RAPGEF4: variants seen among roughly 807,000 people sequenced by gnomAD.
The protein encoded by RAPGEF4 is RAP guanine-nucleotide-exchange factor (GEF) 4.
In RAPGEF4, 66 loss-of-function variants were observed where a neutral mutation model predicts 147.9. That is an observed-to-expected ratio of 0.45 (90% confidence interval 0.37 to 0.55). The LOEUF (loss-of-function observed/expected upper bound fraction) is 0.55, where lower values mean the gene tolerates loss of function less well. Among genes scored for constraint, RAPGEF4 ranks in the 20% least tolerant of loss-of-function variants. RAPGEF4 has a pLI of 0.00. For missense variants in RAPGEF4, 1,071 were observed against 1,257.3 expected (o/e 0.85, Z 2.24); for synonymous variants, 419 against 442.7 (o/e 0.95, Z 0.67).
intron 4 of RAPGEF4, among the ~76,000 whole-genome samples, chr2:172,870,887 T>C (rs1695169740): frequency 6.6e-6 from 1 of 152,228 alleles, no homozygotes; most frequent in African/African-American, 2.4e-5. Context: ...ATTTTGGCTT[T>C]GATTAAAACT....
At chr2:172,840,407 T>C (rs1691452503) in intron 4 of RAPGEF4, among the ~76,000 whole-genome samples, 1 of 152,252 alleles carries the variant, frequency 6.6e-6, no homozygotes, top group South Asian at 2.1e-4. Context: ...CAGAGTACTA[T>C]GTTTCCACTT....
intron 1 of RAPGEF4, among the ~76,000 whole-genome samples, chr2:172,767,087 C>T (rs1048723882): frequency 2.0e-5 from 3 of 151,780 alleles, no homozygotes; most frequent in South Asian, 2.1e-4. Context: ...TTTTTATATA[C>T]GGTCATAGGT....
intron 4 of RAPGEF4, 141 bp from the exon 5 acceptor site, chr2:172,917,661 G>A (rs1028053347): frequency 2.7e-5 from 20 of 732,638 alleles, no homozygotes; most frequent in African/African-American, 7.0e-5. Flanking sequence ...CAGAGACCCC[G>A]GAGAACACGT....
chr2:172,988,066 T>G, intron 12 of RAPGEF4, 130 bp from the exon 13 acceptor site: 1 of 1,332,510 alleles, frequency 7.5e-7, no homozygotes, highest in South Asian at 1.9e-5. Context: ...AGTTAATATT[T>G]GCCAGTGATG....
intron 1 of RAPGEF4, among the ~76,000 whole-genome samples, chr2:172,761,519 C>T (rs1428257022): frequency 6.6e-6 from 1 of 152,038 alleles, no homozygotes; most frequent in Non-Finnish European, 1.5e-5. Flanking sequence ...AAATATCCTT[C>T]AGGAATGAAG....
intron 10 of RAPGEF4, among the ~76,000 whole-genome samples, chr2:172,967,874 C>G (rs1250871082): frequency 6.6e-6 from 1 of 152,194 alleles, no homozygotes; most frequent in Non-Finnish European, 1.5e-5. Context: ...AGCACATGCT[C>G]TTACCCACCT....
intron 4 of RAPGEF4, among the ~76,000 whole-genome samples, chr2:172,851,403 G>T (rs1322470676): frequency 6.6e-6 from 1 of 152,170 alleles, no homozygotes; most frequent in African/African-American, 2.4e-5. Flanking sequence ...TGAGAAGAAT[G>T]TAAGTTCTGT....
chr2:172,892,327 C>A (rs1698015044), intron 4 of RAPGEF4, among the ~76,000 whole-genome samples: 2 of 152,162 alleles, frequency 1.3e-5, no homozygotes, highest in Non-Finnish European at 2.9e-5. Context: ...TGATGCAAAA[C>A]CTTAACCATT....
intron 4 of RAPGEF4, among the ~76,000 whole-genome samples, chr2:172,903,285 C>T (rs958325341): frequency 2.7e-5 from 4 of 146,270 alleles, no homozygotes; most frequent in Admixed American, 1.4e-4. Flanking sequence ...AGGAGAACGG[C>T]GTGAACCTGG....
chr2:173,022,622 G>A (rs1696219423), intron 23 of RAPGEF4, among the ~76,000 whole-genome samples: 1 of 152,198 alleles, frequency 6.6e-6, no homozygotes, highest in Non-Finnish European at 1.5e-5. Context: ...GCTTGGGGCT[G>A]TGCTGGCTTC....
intron 18 of RAPGEF4, among the ~76,000 whole-genome samples, chr2:173,016,123 C>A (rs1208897036): frequency 1.3e-5 from 2 of 152,094 alleles, no homozygotes; most frequent in Non-Finnish European, 2.9e-5. Flanking sequence ...TTTCTGATAT[C>A]CGTGCAGTCA....
intron 6 of RAPGEF4, among the ~76,000 whole-genome samples, chr2:172,956,908 T>C (rs1034227509): frequency 6.6e-6 from 1 of 152,208 alleles, no homozygotes; most frequent in Non-Finnish European, 1.5e-5. Flanking sequence ...CTAGAAGAGC[T>C]TGGATGCAAT....
chr2:173,017,891 A>C (rs1695658557), intron 21 of RAPGEF4, among the ~76,000 whole-genome samples: 1 of 148,246 alleles, frequency 6.7e-6, no homozygotes, highest in African/African-American at 2.6e-5. Context: ...TCTGGCCCTG[A>C]GCCCAGCCCT....
chr2:172,954,422 A>G (rs767400947), intron 6 of RAPGEF4, among the ~76,000 whole-genome samples: 17 of 152,196 alleles, frequency 1.1e-4, no homozygotes, highest in Non-Finnish European at 1.9e-4. Context: ...GCTCTTTACA[A>G]GAGAAAAGCT....
chr2:172,813,374 T>G (rs1275391014), intron 3 of RAPGEF4, among the ~76,000 whole-genome samples: 1 of 152,250 alleles, frequency 6.6e-6, no homozygotes, highest in Non-Finnish European at 1.5e-5. Context: ...CAGTGTTGCA[T>G]GCAGAGAGGA....
In RAPGEF4 at chr2:172,814,313, C is replaced by A. The variant is rs751735494; in HGVS notation, c.332C>A (p.Thr111Lys). The change falls in exon 4 of 31, where the codon ACG becomes AAG. Residue 111 changes from threonine (T) to lysine (K), a missense_variant. Physicochemically the swap from Thr to Lys is moderately conservative, Grantham distance 78. Coordinates refer to ENST00000397081, the MANE Select transcript of RAPGEF4 (RefSeq NM_007023.4). Reference sequence around the variant, plus strand: ...ACCATCTGTACCCTGGGAATTGGGACGGCCTTTGGAGAGTCCATTCTGGAC... The same window carrying A: ...ACCATCTGTACCCTGGGAATTGGGAAGGCCTTTGGAGAGTCCATTCTGGAC... ...AVTICTLGIG[T>K]AFGESILDNT... 1 of 1,614,152 alleles carries A rather than the reference C, an allele frequency of 6.2e-7. No individual in the cohort carries two copies. The highest frequency in any genetic ancestry group is 1.3e-5 in the African/African-American group (1 of 75,050).
At chr2:173,038,356 CT>C (rs1266235587) in intron 29 of RAPGEF4, among the ~76,000 whole-genome samples, 1 of 152,200 alleles carries the variant, frequency 6.6e-6, no homozygotes, top group Non-Finnish European at 1.5e-5. Context: ...GAAATGCAAA[CT>C]GAGGATTGGC....
At chr2:172,972,096 T>A (rs1244221986) in intron 10 of RAPGEF4, among the ~76,000 whole-genome samples, 1 of 77,896 alleles carries the variant, frequency 1.3e-5, no homozygotes, top group African/African-American at 4.8e-5. Context: ...TGGGCGGGGG[T>A]GGGGAGGGTA....
intron 3 of RAPGEF4, among the ~76,000 whole-genome samples, chr2:172,800,075 C>A (rs1686816723): frequency 6.6e-6 from 1 of 152,206 alleles, no homozygotes; most frequent in African/African-American, 2.4e-5. Context: ...AAAACCAATG[C>A]AGAGAACTTA....
Sources: gnomAD v4.1 joint callset for allele counts (sites outside exome capture counted in the v4.1 genomes callset) on GRCh38, gnomAD v4.1.1 for gene constraint, MANE v1.5 for transcripts, NCBI Gene and HGNC (gene_info 2026-07-23, HGNC 2026-07-21) for gene names.